CAMTA1: variants seen among roughly 807,000 people sequenced by gnomAD.
CAMTA1 encodes the protein calmodulin-binding transcription activator 1.
CAMTA1 carries 27 observed loss-of-function variants against 170.9 expected under a neutral mutation model. That is an observed-to-expected ratio of 0.16 (90% CI 0.12 to 0.22). CAMTA1 has a LOEUF of 0.22. Ranked by LOEUF, CAMTA1 falls within the 10% of genes least tolerant of loss-of-function variation. CAMTA1 has a pLI of 1.00. For missense variants in CAMTA1, 1,619 were observed against 2,217.2 expected, an observed-to-expected ratio of 0.73 and a Z score of 5.42; for synonymous variants, 833 against 891.5, an observed-to-expected ratio of 0.93 and a Z score of 1.17.
intron 6 of CAMTA1, among the ~76,000 whole-genome samples, chr1:7,516,515 C>A (rs1266979030): frequency 1.3e-5 from 2 of 152,162 alleles, no homozygotes; most frequent in African/African-American, 4.8e-5. Context: ...GATGGCTGGG[C>A]TGACAGTGGG....
intron 6 of CAMTA1, among the ~76,000 whole-genome samples, chr1:7,618,622 A>G (rs1353899923): frequency 6.6e-6 from 1 of 152,226 alleles, no homozygotes. Context: ...TTATGACTAT[A>G]GTAAAAGGCC....
At chr1:7,499,153 TGA>T (rs1338920443) in intron 6 of CAMTA1, among the ~76,000 whole-genome samples, 1 of 104,844 alleles carries the variant, frequency 9.5e-6, no homozygotes, top group Non-Finnish European at 1.9e-5. Flanking sequence ...TGTACGTATA[TGA>T]GTGTGTGTGT....
chr1:7,183,866 AT>A (rs1652721698), intron 4 of CAMTA1, among the ~76,000 whole-genome samples: 2 of 152,202 alleles, frequency 1.3e-5, no homozygotes, highest in African/African-American at 4.8e-5. Context: ...AATTTATGAT[AT>A]GAAAATTGTA....
chr1:7,710,007 C>T (rs933124184), intron 11 of CAMTA1, among the ~76,000 whole-genome samples: 2 of 152,154 alleles, frequency 1.3e-5, no homozygotes, highest in Non-Finnish European at 2.9e-5. Flanking sequence ...TCTTTCAATT[C>T]AGCTATTCTG....
intron 4 of CAMTA1, among the ~76,000 whole-genome samples, chr1:7,150,839 T>G (rs1207071231): frequency 1.3e-5 from 2 of 152,156 alleles, no homozygotes; most frequent in Non-Finnish European, 2.9e-5. Context: ...GTATTTTCCC[T>G]CTGATGTTGT....
At chr1:7,679,247 G>A (rs544703278) in intron 11 of CAMTA1, among the ~76,000 whole-genome samples, 3 of 152,290 alleles carry the variant, frequency 2.0e-5, no homozygotes, top group East Asian at 3.9e-4. Flanking sequence ...CAGAGCTCTG[G>A]CTCTCCCTGA....
intron 5 of CAMTA1, among the ~76,000 whole-genome samples, chr1:7,254,149 G>C (rs1034199986): frequency 6.6e-6 from 1 of 152,184 alleles, no homozygotes; most frequent in African/African-American, 2.4e-5. Context: ...TTAATGAATA[G>C]AGTCTGTTGA....
chr1:7,042,337 C>T (rs1313175081), intron 3 of CAMTA1, among the ~76,000 whole-genome samples: 3 of 152,178 alleles, frequency 2.0e-5, no homozygotes, highest in East Asian at 1.9e-4. Context: ...TGGGCAGAAA[C>T]GCTGTTTCTT....
chr1:7,059,014 C>A (rs1409752580), intron 3 of CAMTA1, among the ~76,000 whole-genome samples: 4 of 152,148 alleles, frequency 2.6e-5, no homozygotes, highest in Non-Finnish European at 5.9e-5. Flanking sequence ...GCAAGCTACA[C>A]GTTTGGCTCA....
At chr1:7,672,576 C>A (rs1434242001) in intron 10 of CAMTA1, among the ~76,000 whole-genome samples, 3 of 152,150 alleles carry the variant, frequency 2.0e-5, no homozygotes, top group Admixed American at 2.0e-4. Flanking sequence ...CTTGTGCCAC[C>A]ACACCCAGCT....
intron 11 of CAMTA1, among the ~76,000 whole-genome samples, chr1:7,716,559 C>G (rs2096611262): frequency 6.6e-6 from 1 of 152,138 alleles, no homozygotes; most frequent in Non-Finnish European, 1.5e-5. Context: ...ACAGAAGTCT[C>G]TCATGTAGAA....
intron 4 of CAMTA1, among the ~76,000 whole-genome samples, chr1:7,170,199 T>G (rs1649309972): frequency 1.3e-5 from 2 of 152,206 alleles, no homozygotes; most frequent in African/African-American, 4.8e-5. Flanking sequence ...GTATGTTCCA[T>G]GTGTTTTAAC....
At position 7,536,460 on chromosome 1, in the gene CAMTA1, A is replaced by G. The variant is rs115853347; in HGVS notation, c.510+68559A>G. Among the ~76,000 whole-genome samples, 526 of 152,174 alleles carry G rather than the reference A, an allele frequency of 3.5e-3. 5 individuals carry two copies. The highest frequency in any genetic ancestry group is 0.011 in the African/African-American group (473 of 41,524). On this transcript the variant is annotated intron_variant, in intron 6 of 22. Transcript: ENST00000303635. ...TGTGGGTTCGGTTTCTCTGCATCCT[A>G]GTCCCAAGTCTGTGACCATTGGGTG...
intron 5 of CAMTA1, among the ~76,000 whole-genome samples, chr1:7,306,467 T>C (rs1459079373): frequency 6.6e-6 from 1 of 152,052 alleles, no homozygotes; most frequent in Non-Finnish European, 1.5e-5. Flanking sequence ...ATTTCTATTA[T>C]GTCTCTTGTG....
chr1:7,477,966 G>A lies in CAMTA1; in HGVS notation c.510+10065G>A, dbSNP rs371094274. Among the ~76,000 whole-genome samples the A allele has an allele frequency of 8.5e-5, 13 of 152,338 alleles. No homozygotes were observed. The East Asian group carries it at 2.1e-3, about 25-fold the overall frequency. On this transcript the variant is annotated intron_variant, in intron 6 of 22. Transcript: ENST00000303635. ...GTTTTGAATTCATCACCACCCTTAT[G>A]AGCCAAGTGACTCTGGCCAACTGAA...
chr1:7,234,420 AGCTCTGGGGCCT>A lies in CAMTA1; in HGVS notation c.303-15068_303-15057del, dbSNP rs1663420756. On this transcript the variant is annotated intron_variant, in intron 4 of 22. Coordinates refer to ENST00000303635, the MANE Select transcript of CAMTA1 (RefSeq NM_015215.4). The surrounding 1 kb of genome is among the most constrained non-coding windows in gnomAD (Gnocchi z 5.0). The stretch of plus-strand genomic sequence containing the variant: ...CTGGTGGGTCCCCTTTCCCTCCTGC[AGCTCTGGGGCCT>A]GCCCAGGGCGGGCCTCTGTGCGTCA... Among the ~76,000 whole-genome samples the A allele has an allele frequency of 6.6e-6, 1 of 152,122 alleles. No individual in the cohort carries two copies. The highest frequency in any genetic ancestry group is 2.4e-5 in the African/African-American group (1 of 41,424).
intron 3 of CAMTA1, among the ~76,000 whole-genome samples, chr1:6,879,802 T>C (rs937580520): frequency 6.6e-6 from 1 of 150,978 alleles, no homozygotes; most frequent in African/African-American, 2.4e-5. Context: ...TTTTTTTTTT[T>C]TTTGGCTTTG....
At chr1:7,091,208 T>G (rs780367536) in intron 3 of CAMTA1, 96 bp from the exon 4 acceptor site, 10 of 815,880 alleles carry the variant, frequency 1.2e-5, no homozygotes, top group Admixed American at 2.0e-5. Flanking sequence ...GGCTCGCAAA[T>G]GAAAACAGCA....
Position 7,633,142 on chromosome 1 carries a change from G to A in CAMTA1, c.511-7258G>A, listed in dbSNP as rs76278465. Among the ~76,000 whole-genome samples the A allele has an allele frequency of 0.012, 1,770 of 152,326 alleles. 36 individuals carry two copies. The highest frequency in any genetic ancestry group is 0.086 in the South Asian group (416 of 4,830). ...AGGAAAGGCCCTCAGCTTGTCCCCC[G>A]TCCTCTCTTTGTCCCTGCAGTTTGG... is the stretch of plus-strand genomic sequence containing the variant. On this transcript the variant is annotated intron_variant, in intron 6 of 22. Transcript: ENST00000303635. The surrounding 1 kb of genome is among the most constrained non-coding windows in gnomAD (Gnocchi z 4.1).
Sources: allele counts gnomAD v4.1 joint callset (sites outside exome capture counted in the v4.1 genomes callset), GRCh38; gene constraint gnomAD v4.1.1; non-coding constraint Gnocchi (gnomAD v3.1); transcripts MANE v1.5; gene names NCBI Gene and HGNC (gene_info 2026-07-23, HGNC 2026-07-21).